The following DPP10 variants were observed in gnomAD, a reference collection of about 807,000 sequenced individuals.
DPP10 encodes inactive dipeptidyl peptidase 10.
DPP10 carries 33 observed loss-of-function variants against 120.9 expected under a neutral mutation model. The observed-to-expected ratio is 0.27, with a 90% CI of 0.21 to 0.37. The LOEUF (loss-of-function observed/expected upper bound fraction) is 0.37, where lower values mean the gene tolerates loss of function less well. Among genes scored for constraint, DPP10 ranks in the 10% least tolerant of loss-of-function variants. DPP10 has a pLI of 1.00. For synonymous variants in DPP10, 337 were observed against 326.1 expected (o/e 1.03, Z -0.36); for missense variants, 816 against 942.8 (o/e 0.87, Z 1.76).
At chr2:115,546,496 A>G (rs1419495475) in intron 5 of DPP10, among the ~76,000 whole-genome samples, 1 of 152,090 alleles carries the variant, frequency 6.6e-6, no homozygotes, top group Non-Finnish European at 1.5e-5. Flanking sequence ...TCTCTGTATT[A>G]TATCTACCAA....
chr2:115,727,852 G>T lies in DPP10; in HGVS notation c.613G>T (p.Asp205Tyr). Residue 205 changes from aspartate to tyrosine, a missense_variant, in exon 8 of 26, where the codon GAT becomes TAT. Around this residue, in one of 3 missense-constraint regions of DPP10, gnomAD observed 42 missense variants for 86.4 expected, o/e 0.49. Coordinates refer to ENST00000410059, the MANE Select transcript of DPP10 (RefSeq NM_020868.6). ...TGAAAATAATATCTACTATCAACCT[G>T]ATATAAAGAGCAGTTCATTGCGACT... ...IFENNIYYQP[D>Y]IKSSSLRLTS... 1 of 1,603,094 alleles carries T rather than the reference G, an allele frequency of 6.2e-7. No homozygotes were observed. Among genetic ancestry groups the T allele is most frequent in the Admixed American group, 1.7e-5 (1 of 57,732 alleles).
intron 1 of DPP10, among the ~76,000 whole-genome samples, chr2:114,721,862 T>G (rs1196257565): frequency 1.3e-5 from 2 of 152,232 alleles, no homozygotes; most frequent in Non-Finnish European, 2.9e-5. Context: ...CTTGAGACTC[T>G]AGTTCTGAAT....
At chr2:114,685,709 C>G (rs1209377254) in intron 1 of DPP10, among the ~76,000 whole-genome samples, 2 of 151,814 alleles carry the variant, frequency 1.3e-5, no homozygotes, top group African/African-American at 4.8e-5. Flanking sequence ...GTTTCTTTTC[C>G]TAATACATTT....
intron 5 of DPP10, among the ~76,000 whole-genome samples, chr2:115,641,960 A>G (rs541692247): frequency 7.1e-4 from 108 of 152,342 alleles, no homozygotes; most frequent in African/African-American, 2.5e-3. Context: ...CAGAAAGCTC[A>G]TGCAGAATTT....
chr2:115,322,045 A>T (rs2106109089), intron 2 of DPP10, among the ~76,000 whole-genome samples: 1 of 152,266 alleles, frequency 6.6e-6, no homozygotes, highest in South Asian at 2.1e-4. Flanking sequence ...GTGCCTCCCC[A>T]GCAGCAGTTT....
At chr2:114,585,322 C>T (rs965265783) in intron 1 of DPP10, among the ~76,000 whole-genome samples, 13 of 152,116 alleles carry the variant, frequency 8.5e-5, no homozygotes, top group Non-Finnish European at 1.6e-4. Flanking sequence ...GTGCCTCCAG[C>T]GCATTTCCCT....
At chr2:114,672,566 G>T (rs549267058) in intron 1 of DPP10, among the ~76,000 whole-genome samples, 1 of 152,274 alleles carries the variant, frequency 6.6e-6, no homozygotes, top group African/African-American at 2.4e-5. Flanking sequence ...GAAATATCAG[G>T]CAAGAAATGA....
At chr2:115,263,030 C>A (rs764898917) in intron 1 of DPP10, among the ~76,000 whole-genome samples, 2 of 152,148 alleles carry the variant, frequency 1.3e-5, no homozygotes, top group African/African-American at 2.4e-5. Context: ...ACAATAAAAT[C>A]TTAGCAATTC....
chr2:115,627,328 A>G (rs112236686), intron 5 of DPP10, among the ~76,000 whole-genome samples: 49 of 152,192 alleles, frequency 3.2e-4, no homozygotes, highest in African/African-American at 1.1e-3. Flanking sequence ...TCATACTCAC[A>G]TATGGCATAC....
At chr2:115,231,162 G>C (rs939391095) in intron 1 of DPP10, among the ~76,000 whole-genome samples, 4 of 151,570 alleles carry the variant, frequency 2.6e-5, no homozygotes, top group Admixed American at 6.6e-5. Context: ...AAATTCTGTA[G>C]TAGAAAAAAA....
chr2:114,695,043 A>C (rs1301045075), intron 1 of DPP10, among the ~76,000 whole-genome samples: 2 of 152,042 alleles, frequency 1.3e-5, no homozygotes, highest in Non-Finnish European at 2.9e-5. Context: ...ATGAGCTTGA[A>C]CTTTAGCAGG....
chr2:114,497,317 ATG>A (rs1558814181), intron 1 of DPP10, among the ~76,000 whole-genome samples: 1,637 of 35,466 alleles, frequency 0.046, 98 homozygotes, highest in African/African-American at 0.12. Context: ...ATACATGTAC[ATG>A]TATACGTGTA....
chr2:115,064,884 T>C lies in DPP10; in HGVS notation c.61-244355T>C. The C allele has an allele frequency of 6.3e-6, 8 of 1,265,150 alleles. No individual in the cohort carries two copies. In the South Asian group the frequency reaches 7.7e-5, roughly 12 times the overall value. The allele number at this position is 1,265,150 out of a possible 1,614,324, so 78.4% of individuals were successfully genotyped here. On this transcript the variant is annotated intron_variant, in intron 1 of 25. Coordinates refer to ENST00000410059, the MANE Select transcript of DPP10 (RefSeq NM_020868.6). ...TTGGGTTTCATTTATTTTATTCTCT[T>C]GTACTGAATTGTCTTTTCCTATTTT... is the stretch of plus-strand genomic sequence containing the variant.
intron 3 of DPP10, among the ~76,000 whole-genome samples, chr2:115,427,629 C>A (rs543211155): frequency 8.1e-4 from 123 of 152,174 alleles, no homozygotes; most frequent in Non-Finnish European, 1.6e-3. Flanking sequence ...CCACCAAAAC[C>A]ATTCAGTCCC....
chr2:114,746,129 T>C (rs950279107), intron 1 of DPP10, among the ~76,000 whole-genome samples: 2 of 152,174 alleles, frequency 1.3e-5, no homozygotes, highest in Non-Finnish European at 2.9e-5. Context: ...CAGCAGGAAA[T>C]TGCCAGAAAA....
intron 1 of DPP10, among the ~76,000 whole-genome samples, chr2:115,078,767 A>G (rs928197187): frequency 6.6e-6 from 1 of 151,938 alleles, no homozygotes; most frequent in African/African-American, 2.4e-5. Flanking sequence ...CTTGATTTTA[A>G]AAAGTTTCTT....
At chr2:115,229,893 G>T (rs556552391) in intron 1 of DPP10, among the ~76,000 whole-genome samples, 2 of 144,128 alleles carry the variant, frequency 1.4e-5, no homozygotes, top group South Asian at 2.2e-4. Context: ...GGATAGCTTT[G>T]GCTATTCTGG....
At chr2:114,674,389 A>G (rs1461966989) in intron 1 of DPP10, among the ~76,000 whole-genome samples, 1 of 151,960 alleles carries the variant, frequency 6.6e-6, no homozygotes, top group Non-Finnish European at 1.5e-5. Flanking sequence ...AATATTGTTT[A>G]TTTTCATTGA....
At chr2:115,751,629 C>G (rs901019704) in intron 10 of DPP10, among the ~76,000 whole-genome samples, 10 of 152,060 alleles carry the variant, frequency 6.6e-5, no homozygotes, top group Admixed American at 5.9e-4. Context: ...AACAGGTTTT[C>G]TAGAGGAAAC....
Sources: gnomAD v4.1 joint callset for allele counts (sites outside exome capture counted in the v4.1 genomes callset) on GRCh38, gnomAD v4.1.1 for gene constraint, gnomAD v4.1.1 regional missense constraint, MANE v1.5 for transcripts, NCBI Gene and HGNC (gene_info 2026-07-23, HGNC 2026-07-21) for gene names.